Variants in SGCB observed in about 807,000 individuals in gnomAD.
SGCB encodes the protein beta-sarcoglycan.
In SGCB, 25 loss-of-function variants were observed where a neutral mutation model predicts 27.3. The observed-to-expected ratio is 0.92, with a 90% CI of 0.67 to 1.28. SGCB has a LOEUF of 1.28. Among genes scored for constraint, SGCB ranks in the 50% most tolerant of loss-of-function variants. The pLI is 0.00. For synonymous variants in SGCB, 147 were observed against 133.5 expected, an observed-to-expected ratio of 1.10 and a Z score of -0.70; for missense variants, 436 against 402.1, an observed-to-expected ratio of 1.08 and a Z score of -0.72.
In SGCB at chr4:52,028,798, C is replaced by T. The variant is rs1246544245; in HGVS notation, c.553G>A (p.Glu185Lys). ...CTTGGCAAATGAAACTCATGAGTTT[C>T]ATAGTCTGTGCTGAATAAGATATTT... ...TQNILFSTDY[E>K]THEFHLPSGV... Residue 185 changes from glutamate to lysine, a missense_variant, in exon 4 of 6, where the codon GAA becomes AAA. Coordinates refer to ENST00000381431, the MANE Select transcript of SGCB (RefSeq NM_000232.5). The T allele has an allele frequency of 6.2e-7, 1 of 1,613,764 alleles. No individual in the cohort carries two copies. The highest frequency in any genetic ancestry group is 1.1e-5 in the South Asian group (1 of 91,056).
intron 1 of SGCB, among the ~76,000 whole-genome samples, chr4:52,036,614 T>G (rs1159100751): frequency 6.6e-6 from 1 of 152,172 alleles, no homozygotes. Context: ...GAGGTTTGAC[T>G]TTGAAGCTGA....
Position 52,033,537 on chromosome 4 carries a change from G to A in SGCB, c.137C>T (p.Pro46Leu), listed in dbSNP as rs148525453. The A allele has an allele frequency of 8.1e-6, 13 of 1,613,334 alleles. No homozygotes were observed. The highest frequency in any genetic ancestry group is 6.7e-5 in the African/African-American group (5 of 74,874). The change falls in exon 2 of 6, where the codon CCG becomes CTG. Residue 46 changes from proline to leucine, a missense_variant. Coordinates refer to ENST00000381431, the MANE Select transcript of SGCB (RefSeq NM_000232.5). ...TTTGTGGAGACGATCTTCATCAATCGGAATGTATCCAGCTTTAAAGTTACT... is the reference window on the plus strand; with the variant it reads ...TTTGTGGAGACGATCTTCATCAATCAGAATGTATCCAGCTTTAAAGTTACT... ...HNSNFKAGYI[P>L]IDEDRLHKTG...
At chr4:52,031,849 T>TA in intron 2 of SGCB, 1 of 454,322 alleles carries the variant, frequency 2.2e-6, no homozygotes, top group Admixed American at 2.4e-5. Flanking sequence ...AGAGGGAAAT[T>TA]ACATGGCTTT....
intron 5 of SGCB, among the ~76,000 whole-genome samples, chr4:52,026,147 G>A (rs757767371): frequency 6.6e-6 from 1 of 151,854 alleles, no homozygotes; most frequent in Non-Finnish European, 1.5e-5. Context: ...GGTAGTATAT[G>A]GAATAGACAG....
In SGCB at chr4:52,034,258, G is replaced by GA. The variant is rs1174617526; in HGVS notation, c.34-619_34-618insT. Among the ~76,000 whole-genome samples the GA allele has an allele frequency of 8.6e-3, 304 of 35,306 alleles. 95 individuals carry two copies. Among genetic ancestry groups the GA allele is most frequent in the Non-Finnish European group, 0.029 (213 of 7,250 alleles). The allele number at this position is 35,306 out of a possible 152,430, so 23.2% of individuals were successfully genotyped here. ...GAGGCAGGAGAATGGCGTGAACCCG[G>GA]GAGGCGGAGCTTGCAGTGAGCCGAG... On this transcript the variant is annotated intron_variant, in intron 1 of 5. Transcript: ENST00000381431.
At chr4:52,038,199 G>A in intron 1 of SGCB, 28 bp downstream of exon 1, 2 of 1,228,642 alleles carry the variant, frequency 1.6e-6, no homozygotes, top group Non-Finnish European at 2.0e-6. Flanking sequence ...CGCTCCTCCA[G>A]CCCGCGGCCG....
In SGCB at chr4:52,021,200, T is replaced by TC; in HGVS notation, c.*2756dup. On this transcript the variant is annotated 3_prime_UTR_variant, in exon 6 of 6. Transcript: ENST00000381431. ...GAAACTAGCATGTACCTGCGCCCCC[T>TC]CCCGGGGTCCTATCTTTGTCACCCA... 6.6e-6 allele frequency: 1 copy of TC among 152,134 alleles called. No homozygotes were observed. Among genetic ancestry groups the TC allele is most frequent in the East Asian group, 1.9e-4 (1 of 5,186 alleles). The allele number at this position is 152,134 out of a possible 1,614,324, so 9.4% of individuals were successfully genotyped here.
intron 3 of SGCB, 105 bp from the exon 4 acceptor site, chr4:52,029,026 A>G: frequency 1.2e-6 from 1 of 804,250 alleles, no homozygotes; most frequent in South Asian, 1.6e-5. Flanking sequence ...AAATTTAAAA[A>G]CCCCAATAAC....
chr4:52,025,045 T>G (rs1021417985), intron 5 of SGCB, among the ~76,000 whole-genome samples: 3 of 152,126 alleles, frequency 2.0e-5, no homozygotes, highest in Non-Finnish European at 4.4e-5. Context: ...AGGACTCTCT[T>G]GCTTTCTCCC....
chr4:52,023,717 T>C lies in SGCB; in HGVS notation c.*240A>G, dbSNP rs1737011776. On this transcript the variant is annotated 3_prime_UTR_variant, in exon 6 of 6. Transcript: ENST00000381431. ...CGTCTTTAAACATGACTTTTGATTT[T>C]ATTTGCTTCTCATAATTATTTTAGA... 6.3e-6 allele frequency: 3 copies of C among 476,980 alleles called. No homozygotes were observed. The South Asian group carries it at 7.4e-5, about 12-fold the overall frequency. The allele number at this position is 476,980 out of a possible 1,614,324, so 29.5% of individuals were successfully genotyped here.
chr4:52,028,737 G>A lies in SGCB; in HGVS notation c.614C>T (p.Thr205Ile). ...AAAGCCAATAAATCATACCCTTTCA[G>A]TAGATGCCTTTTGAACATTCAAACT... Reference protein sequence around the residue: ...VKSLNVQKASTERITSNATSD... With the variant: ...VKSLNVQKASIERITSNATSD... Residue 205 changes from threonine (T) to isoleucine (I), a missense_variant, in exon 4 of 6, where the codon ACT (threonine) becomes ATT (isoleucine). Thr to Ile is a moderately conservative substitution (Grantham distance 89). Transcript: ENST00000381431. The A allele has an allele frequency of 6.2e-7, 1 of 1,606,584 alleles. No homozygotes were observed. The highest frequency in any genetic ancestry group is 8.5e-7 in the Non-Finnish European group (1 of 1,173,378).
chr4:52,031,599 T>G (rs963475336), intron 2 of SGCB, among the ~76,000 whole-genome samples: 1 of 152,150 alleles, frequency 6.6e-6, no homozygotes, highest in African/African-American at 2.4e-5. Context: ...ATGCAGTATA[T>G]TCTTATTTCT....
chr4:52,030,013 AC>A, intron 2 of SGCB, 150 bp from the exon 3 acceptor site: 1 of 669,502 alleles, frequency 1.5e-6, no homozygotes, highest in Non-Finnish European at 2.6e-6. Context: ...CCACTTATAA[AC>A]AAAACGAATT....
At chr4:52,031,804 T>G (rs1209826778) in intron 2 of SGCB, 6 of 409,136 alleles carry the variant, frequency 1.5e-5, no homozygotes, top group Non-Finnish European at 2.9e-5. Context: ...AGAAAATTAT[T>G]TGAGGGGTAG....
In SGCB at chr4:52,023,025, A is replaced by G. The variant is rs542660026; in HGVS notation, c.*932T>C. ...TTTGTTCATCTTTCTAGAGTTTTAA[A>G]TAATTAAAAAGTCAGTGCAGAGAGT... On this transcript the variant is annotated 3_prime_UTR_variant, in exon 6 of 6. Transcript: ENST00000381431. 3 of 152,330 alleles carry G rather than the reference A, an allele frequency of 2.0e-5. No homozygotes were observed. The South Asian group carries it at 6.2e-4, about 32-fold the overall frequency. 9.4% of individuals were successfully genotyped at this position (152,330 alleles called of 1,614,324 possible).
intron 5 of SGCB, among the ~76,000 whole-genome samples, chr4:52,026,112 G>A (rs754461308): frequency 1.5e-4 from 23 of 152,202 alleles, no homozygotes; most frequent in African/African-American, 5.5e-4. Context: ...TATAAATAAT[G>A]GAGATGGTTA....
At position 52,029,013 on chromosome 4, in the gene SGCB, C is replaced by G; in HGVS notation, c.430-92G>C. ...TATATTTTAAAAATTACAAAAATTA[C>G]AGAAATTTAAAAACCCCAATAACAG... On this transcript the variant is annotated intron_variant, in intron 3 of 5. Transcript: ENST00000381431. The G allele has an allele frequency of 4.1e-6, 4 of 973,374 alleles. No homozygotes were observed. In the South Asian group the frequency reaches 5.8e-5, roughly 14 times the overall value. 60.3% of individuals were successfully genotyped at this position (973,374 alleles called of 1,614,324 possible). A position where few individuals can be genotyped will look rare whatever the true frequency, so the allele number is the denominator to read the frequency against.
chr4:52,027,935 A>G (rs1225414141), intron 5 of SGCB, 33 bp downstream of exon 5: 2 of 1,595,682 alleles, frequency 1.3e-6, no homozygotes, highest in African/African-American at 1.3e-5. Flanking sequence ...CAAGAACCTA[A>G]TAATTCTCTT....
At chr4:52,033,340 G>A in intron 2 of SGCB, 91 bp downstream of exon 2, 1 of 818,384 alleles carries the variant, frequency 1.2e-6, no homozygotes. Context: ...GACATGTATA[G>A]AAAAGGAGAA....
Sources: gnomAD v4.1 joint callset for allele counts (sites outside exome capture counted in the v4.1 genomes callset) on GRCh38, gnomAD v4.1.1 for gene constraint, MANE v1.5 for transcripts, NCBI Gene and HGNC (gene_info 2026-07-23, HGNC 2026-07-21) for gene names.